The following DCLK1 variants were observed in gnomAD, a reference collection of about 807,000 sequenced individuals.
DCLK1 encodes the protein serine/threonine-protein kinase DCLK1.
A neutral mutation model predicts 86.2 loss-of-function variants in DCLK1; 16 were observed. The observed-to-expected ratio is 0.19, with a 90% CI of 0.13 to 0.28. DCLK1 has a LOEUF of 0.28. Among genes scored for constraint, DCLK1 ranks in the 10% least tolerant of loss-of-function variants. The probability of loss-of-function intolerance (pLI) is 1.00; values close to 1 mark genes in which losing one functional copy is unlikely to be tolerated. For synonymous variants in DCLK1, 369 were observed against 370.5 expected (o/e 1.00, Z 0.05); for missense variants, 590 against 940.2 (o/e 0.63, Z 4.87).
intron 4 of DCLK1, among the ~76,000 whole-genome samples, chr13:35,889,784 AT>A (rs1355896016): frequency 6.6e-6 from 1 of 152,086 alleles, no homozygotes; most frequent in Non-Finnish European, 1.5e-5. Flanking sequence ...TCTCCCAAAT[AT>A]TTTCCTTCCA....
At chr13:35,981,444 C>A (rs1415919875) in intron 3 of DCLK1, among the ~76,000 whole-genome samples, 1 of 152,220 alleles carries the variant, frequency 6.6e-6, no homozygotes. Flanking sequence ...ACATCCAGCA[C>A]CAGAGGGGAC....
At chr13:35,825,003 C>A (rs922974692) in intron 10 of DCLK1, among the ~76,000 whole-genome samples, 1 of 152,220 alleles carries the variant, frequency 6.6e-6, no homozygotes, top group Non-Finnish European at 1.5e-5. Flanking sequence ...CCAGCTCCTC[C>A]ACGAGGCCTG....
At chr13:35,942,492 C>T (rs1291257038) in intron 4 of DCLK1, among the ~76,000 whole-genome samples, 1 of 152,150 alleles carries the variant, frequency 6.6e-6, no homozygotes, top group African/African-American at 2.4e-5. Flanking sequence ...CTCAAAAGGA[C>T]ACTTCTAACT....
chr13:36,045,881 C>A (rs963553481), intron 3 of DCLK1, among the ~76,000 whole-genome samples: 1 of 151,848 alleles, frequency 6.6e-6, no homozygotes, highest in African/African-American at 2.4e-5. Flanking sequence ...TCCTCAGAGC[C>A]AAGTTCAGTG....
intron 3 of DCLK1, among the ~76,000 whole-genome samples, chr13:36,019,606 T>C (rs1479838451): frequency 6.6e-6 from 1 of 152,204 alleles, no homozygotes; most frequent in Non-Finnish European, 1.5e-5. Context: ...AGAACACTTA[T>C]CACGATTCTA....
chr13:36,042,213 C>A (rs1882723965), intron 3 of DCLK1, among the ~76,000 whole-genome samples: 1 of 152,184 alleles, frequency 6.6e-6, no homozygotes, highest in Non-Finnish European at 1.5e-5. Flanking sequence ...GTGGGACTGA[C>A]ACAGGCCATT....
intron 4 of DCLK1, among the ~76,000 whole-genome samples, chr13:35,915,840 TG>T (rs1875372255): frequency 6.6e-6 from 1 of 152,228 alleles, no homozygotes; most frequent in Admixed American, 6.5e-5. Context: ...ACTTATGTTT[TG>T]ATTGATCACT....
chr13:36,090,217 T>C (rs2138134479), intron 3 of DCLK1, among the ~76,000 whole-genome samples: 1 of 152,328 alleles, frequency 6.6e-6, no homozygotes. Flanking sequence ...TCTTTGGGTC[T>C]GGACATTCAG....
At chr13:36,004,841 G>A (rs968515197) in intron 3 of DCLK1, among the ~76,000 whole-genome samples, 3 of 152,172 alleles carry the variant, frequency 2.0e-5, no homozygotes, top group Admixed American at 6.5e-5. Flanking sequence ...GCCTCCCAAA[G>A]TGCTGGGATT....
intron 6 of DCLK1, among the ~76,000 whole-genome samples, chr13:35,852,138 C>A (rs1870697603): frequency 6.6e-6 from 1 of 152,110 alleles, no homozygotes; most frequent in African/African-American, 2.4e-5. Flanking sequence ...TTAATTTATT[C>A]TTTGAAGTGT....
At chr13:36,032,658 C>G (rs1882330904) in intron 3 of DCLK1, among the ~76,000 whole-genome samples, 1 of 152,082 alleles carries the variant, frequency 6.6e-6, no homozygotes, top group South Asian at 2.1e-4. Context: ...TCCATTTTTG[C>G]AATGATCCCT....
chr13:35,934,025 A>C (rs1049267846), intron 4 of DCLK1, among the ~76,000 whole-genome samples: 1 of 152,206 alleles, frequency 6.6e-6, no homozygotes, highest in African/African-American at 2.4e-5. Flanking sequence ...TTCTTCTGCC[A>C]GATACCCTAA....
intron 2 of DCLK1, among the ~76,000 whole-genome samples, chr13:36,114,571 A>C (rs1042744357): frequency 6.6e-6 from 1 of 152,242 alleles, no homozygotes; most frequent in Non-Finnish European, 1.5e-5. Flanking sequence ...TTATGCTAAT[A>C]AATTTCCATT....
At chr13:35,959,655 T>C (rs1383342367) in intron 3 of DCLK1, among the ~76,000 whole-genome samples, 1 of 152,172 alleles carries the variant, frequency 6.6e-6, no homozygotes, top group Non-Finnish European at 1.5e-5. Context: ...GGCAGGCAGT[T>C]TGTAGTCTCC....
intron 3 of DCLK1, among the ~76,000 whole-genome samples, chr13:36,025,810 G>A (rs1203076042): frequency 6.6e-6 from 1 of 152,054 alleles, no homozygotes; most frequent in East Asian, 1.9e-4. Context: ...AAGCAAAACT[G>A]AATTAAAATA....
intron 2 of DCLK1, among the ~76,000 whole-genome samples, chr13:36,113,731 C>T (rs1885690420): frequency 6.6e-6 from 1 of 152,068 alleles, no homozygotes; most frequent in Non-Finnish European, 1.5e-5. Flanking sequence ...TTAGGTTTTT[C>T]TGAAGATCAA....
intron 4 of DCLK1, among the ~76,000 whole-genome samples, chr13:35,899,117 G>C (rs1311084892): frequency 1.3e-5 from 2 of 152,200 alleles, no homozygotes; most frequent in African/African-American, 4.8e-5. Flanking sequence ...GACTGACACT[G>C]AGGGATACCT....
Position 35,976,525 on chromosome 13 carries a change from G to GTTTTTTT in DCLK1, c.724-29075_724-29069dup, listed in dbSNP as rs11294824. Among the ~76,000 whole-genome samples, 137 of 56,370 alleles carry GTTTTTTT rather than the reference G, an allele frequency of 2.4e-3. 8 individuals are homozygous for GTTTTTTT. The highest frequency in any genetic ancestry group is 3.7e-3 in the Non-Finnish European group (112 of 29,992). 37.0% of individuals were successfully genotyped at this position (56,370 alleles called of 152,430 possible). A position where few individuals can be genotyped will look rare whatever the true frequency, so the allele number is the denominator to read the frequency against. On this transcript the variant is annotated intron_variant, in intron 3 of 16. Transcript: ENST00000360631. ...CTCCCAGCACTTCAGCTTCTCCGAG[G>GTTTTTTT]TTTTTTTTTTTTTTTTTTTTTTTGA...
At chr13:35,997,681 G>A (rs1880531946) in intron 3 of DCLK1, among the ~76,000 whole-genome samples, 1 of 152,142 alleles carries the variant, frequency 6.6e-6, no homozygotes, top group East Asian at 1.9e-4. Flanking sequence ...AACTTGCAAT[G>A]TAATAGTCTT....
Sources: allele counts gnomAD v4.1 joint callset (sites outside exome capture counted in the v4.1 genomes callset), GRCh38; gene constraint gnomAD v4.1.1; transcripts MANE v1.5; gene names NCBI Gene and HGNC (gene_info 2026-07-23, HGNC 2026-07-21).